PIK3R4: variants seen among roughly 807,000 people sequenced by gnomAD.
The protein encoded by PIK3R4 is phosphoinositide-3-kinase regulatory subunit 4.
Under a neutral mutation model 136.5 loss-of-function variants are expected in PIK3R4, and 46 were observed. The observed-to-expected ratio is 0.34, with a 90% CI of 0.27 to 0.43. PIK3R4 has a LOEUF of 0.43. Among genes scored for constraint, PIK3R4 ranks in the 20% least tolerant of loss-of-function variants. PIK3R4 has a pLI of 1.00. For synonymous variants in PIK3R4, 557 were observed against 566.7 expected, an observed-to-expected ratio of 0.98 and a Z score of 0.24; for missense variants, 1,331 against 1,649.5, an observed-to-expected ratio of 0.81 and a Z score of 3.35.
chr3:130,708,567 C>G, intron 9 of PIK3R4, 75 bp from the exon 10 acceptor site: 1 of 1,283,832 alleles, frequency 7.8e-7, no homozygotes, highest in Non-Finnish European at 1.1e-6. Context: ...TGACTAACAA[C>G]TGAAGGGACA....
At chr3:130,727,212 A>G (rs1055368943) in intron 6 of PIK3R4, among the ~76,000 whole-genome samples, 1 of 152,082 alleles carries the variant, frequency 6.6e-6, no homozygotes, top group African/African-American at 2.4e-5. Flanking sequence ...ATTGGGAACC[A>G]AAACTTAAAG....
intron 9 of PIK3R4, among the ~76,000 whole-genome samples, chr3:130,714,586 C>T (rs1390939237): frequency 1.3e-5 from 2 of 152,074 alleles, no homozygotes; most frequent in Non-Finnish European, 2.9e-5. Context: ...CTGACCCATC[C>T]TCTAAGTTCC....
chr3:130,692,898 G>A (rs2066526746), intron 13 of PIK3R4, among the ~76,000 whole-genome samples: 1 of 152,112 alleles, frequency 6.6e-6, no homozygotes, highest in Non-Finnish European at 1.5e-5. Flanking sequence ...GGTTTACAAA[G>A]TCACCACATT....
Position 130,718,449 on chromosome 3 carries a change from A to C in PIK3R4, c.2067T>G (p.Ala689=), listed in dbSNP as rs1473791424. ...ITVVARQIST[A]DVYCKLMPYL... ...AAGGCATCAGTTTACAGTAGACATC[A>C]GCTGTACTTATTTGACGAGCTACCA... The change falls in exon 8 of 20, where the codon GCT becomes GCG. Residue 689 remains alanine, a synonymous_variant. Transcript: ENST00000356763. The C allele has an allele frequency of 6.2e-7, 1 of 1,613,024 alleles. No homozygotes were observed. The highest frequency in any genetic ancestry group is 2.2e-5 in the East Asian group (1 of 44,868).
chr3:130,720,795 G>A (rs954576305), intron 7 of PIK3R4, among the ~76,000 whole-genome samples: 6 of 152,162 alleles, frequency 3.9e-5, no homozygotes, highest in African/African-American at 1.4e-4. Flanking sequence ...GGCAGGAAGG[G>A]TAGTTTCACA....
chr3:130,746,015 G>A (rs951874769), intron 1 of PIK3R4, among the ~76,000 whole-genome samples: 1 of 150,460 alleles, frequency 6.6e-6, no homozygotes, highest in Non-Finnish European at 1.5e-5. Context: ...GCGAGACTCC[G>A]TCCGTCTCAA....
chr3:130,679,085 T>G lies in PIK3R4; in HGVS notation c.*230A>C. On this transcript the variant is annotated 3_prime_UTR_variant, in exon 20 of 20. Coordinates refer to ENST00000356763, the MANE Select transcript of PIK3R4 (RefSeq NM_014602.3). ...TTTCTCACCTCTATAACATATACAA[T>G]AAAAATCCCAGACATTGTTGGCTGG... is the stretch of plus-strand genomic sequence containing the variant. The G allele has an allele frequency of 3.4e-6, 1 of 295,532 alleles. No homozygotes were observed. The highest frequency in any genetic ancestry group is 4.8e-5 in the Admixed American group (1 of 20,876). The allele number at this position is 295,532 out of a possible 1,614,324, so 18.3% of individuals were successfully genotyped here.
chr3:130,693,880 A>T (rs1046645943), intron 13 of PIK3R4, among the ~76,000 whole-genome samples: 3 of 152,048 alleles, frequency 2.0e-5, no homozygotes, highest in Non-Finnish European at 4.4e-5. Context: ...TTACATGCCT[A>T]TGTTTTCTTC....
chr3:130,744,891 G>C lies in PIK3R4; in HGVS notation c.328C>G (p.Leu110Val). ...MLFRQYVRDN[L>V]YDRISTRPFL... ...GGACGGGTACTGATGCGATCATAGA[G>C]ATTGTCTCGCACATACTGCCTAAAG... The change falls in exon 2 of 20, where the codon CTC becomes GTC. Residue 110 changes from leucine to valine, a missense_variant. By Grantham distance (32) the Leu-to-Val change is conservative. Coordinates refer to ENST00000356763, the MANE Select transcript of PIK3R4 (RefSeq NM_014602.3). The C allele has an allele frequency of 6.2e-7, 1 of 1,614,184 alleles. No homozygotes were observed.
At chr3:130,703,626 G>T in intron 13 of PIK3R4, 97 bp downstream of exon 13, 1 of 849,118 alleles carries the variant, frequency 1.2e-6, no homozygotes, top group Non-Finnish European at 1.9e-6. Context: ...GTTGCTGTAT[G>T]CCTGGTACCC....
In PIK3R4 at chr3:130,690,429, G is replaced by C. The variant is rs1244081069; in HGVS notation, c.3263+61C>G. ...CCCAACTACATTGCAGGGTAGAAAG[G>C]AGACTTAAGGTACTGTAGTGCACTA... On this transcript the variant is annotated intron_variant, in intron 14 of 19. Coordinates refer to ENST00000356763, the MANE Select transcript of PIK3R4 (RefSeq NM_014602.3). 5.3e-6 allele frequency: 6 copies of C among 1,126,468 alleles called. No individual in the cohort carries two copies. The East Asian group carries it at 1.3e-4, about 24-fold the overall frequency. 69.8% of individuals were successfully genotyped at this position (1,126,468 alleles called of 1,614,324 possible). A position where few individuals can be genotyped will look rare whatever the true frequency, so the allele number is the denominator to read the frequency against.
At chr3:130,713,950 G>A (rs760389148) in intron 9 of PIK3R4, among the ~76,000 whole-genome samples, 1 of 152,188 alleles carries the variant, frequency 6.6e-6, no homozygotes, top group Non-Finnish European at 1.5e-5. Context: ...GAGATTACAG[G>A]CATGAGCCAC....
chr3:130,696,946 T>TG (rs1300102016), intron 13 of PIK3R4, among the ~76,000 whole-genome samples: 1 of 152,156 alleles, frequency 6.6e-6, no homozygotes. Context: ...AGTATGTTTG[T>TG]AATTGTTATG....
chr3:130,730,517 G>T, intron 4 of PIK3R4, 75 bp from the exon 5 acceptor site: 2 of 1,019,468 alleles, frequency 2.0e-6, no homozygotes, highest in Non-Finnish European at 2.8e-6. Context: ...TTTCCTCCCT[G>T]TCTTTATACA....
intron 1 of PIK3R4, among the ~76,000 whole-genome samples, chr3:130,745,698 A>C (rs1350320405): frequency 6.6e-6 from 1 of 152,240 alleles, no homozygotes; most frequent in Non-Finnish European, 1.5e-5. Flanking sequence ...AAGAATCTGT[A>C]GTTTCTTGGA....
chr3:130,718,039 C>T (rs4682632), intron 8 of PIK3R4, among the ~76,000 whole-genome samples: 31,308 of 152,066 alleles, frequency 0.21, 3,485 homozygotes, highest in South Asian at 0.36. Context: ...TAACTGGATG[C>T]AATCAGTTAT....
chr3:130,696,836 A>G (rs911789048), intron 13 of PIK3R4, among the ~76,000 whole-genome samples: 1 of 152,130 alleles, frequency 6.6e-6, no homozygotes, highest in African/African-American at 2.4e-5. Flanking sequence ...CCATCTTGAA[A>G]ATAAGCTATT....
intron 13 of PIK3R4, among the ~76,000 whole-genome samples, chr3:130,700,958 A>G (rs2066570797): frequency 6.6e-6 from 1 of 152,218 alleles, no homozygotes; most frequent in African/African-American, 2.4e-5. Context: ...CTAACCATAC[A>G]GACTTCCCAA....
chr3:130,691,945 G>C (rs2107602551), intron 13 of PIK3R4, among the ~76,000 whole-genome samples: 1 of 148,658 alleles, frequency 6.7e-6, no homozygotes, highest in African/African-American at 2.5e-5. Flanking sequence ...TGCGATCTGG[G>C]CTCACCACAA....
Sources: allele counts gnomAD v4.1 joint callset (sites outside exome capture counted in the v4.1 genomes callset), GRCh38; gene constraint gnomAD v4.1.1; transcripts MANE v1.5; gene names NCBI Gene and HGNC (gene_info 2026-07-23, HGNC 2026-07-21).